SLC22A15: variants seen among roughly 807,000 people sequenced by gnomAD.
SLC22A15 encodes flipt 1.
Under a neutral mutation model 62.7 loss-of-function variants are expected in SLC22A15, and 45 were observed. The ratio of observed to expected loss-of-function variants is 0.72; its 90% confidence interval spans 0.56 to 0.92. The LOEUF (loss-of-function observed/expected upper bound fraction) is 0.92, where lower values mean the gene tolerates loss of function less well. Ranked by LOEUF, SLC22A15 falls within the 40% of genes least tolerant of loss-of-function variation. The pLI, the probability that SLC22A15 is intolerant of heterozygous loss-of-function variation, is 0.00. For missense variants in SLC22A15, 622 were observed against 665.6 expected, an observed-to-expected ratio of 0.93 and a Z score of 0.72; for synonymous variants, 264 against 267.0, an observed-to-expected ratio of 0.99 and a Z score of 0.11.
At chr1:116,011,053 G>A (rs1448862865) in intron 2 of SLC22A15, among the ~76,000 whole-genome samples, 2 of 152,170 alleles carry the variant, frequency 1.3e-5, no homozygotes, top group African/African-American at 4.8e-5. Context: ...TCCTTTCAGA[G>A]AAGGCTGTGT....
At position 115,992,029 on chromosome 1, in the gene SLC22A15, A is replaced by G; in HGVS notation, c.88-2A>G. 7 of 1,612,912 alleles carry G rather than the reference A, an allele frequency of 4.3e-6. No individual in the cohort carries two copies. The highest frequency in any genetic ancestry group is 5.9e-6 in the Non-Finnish European group (7 of 1,179,714). On this transcript the variant is annotated splice_acceptor_variant, in intron 1 of 11. Transcript: ENST00000369503. LOFTEE classifies it high-confidence loss of function. ...TTTGGTTCTGTGTGTTTGCTCTTTC[A>G]GCTCTACGTGGCCACGGAGGCCATC...
chr1:116,032,625 C>T, intron 6 of SLC22A15: 1 of 985,358 alleles, frequency 1.0e-6, no homozygotes, highest in Non-Finnish European at 1.2e-6. Flanking sequence ...CCATGTTAAC[C>T]AACTGCTGCT....
At chr1:116,041,602 G>A (rs1657786292) in intron 8 of SLC22A15, among the ~76,000 whole-genome samples, 1 of 152,228 alleles carries the variant, frequency 6.6e-6, no homozygotes, top group South Asian at 2.1e-4. Context: ...CACAGTGCAG[G>A]GAAGGGAAGC....
In SLC22A15 at chr1:116,035,218, ACT is replaced by A; in HGVS notation, c.979_980del (p.Leu327GlufsTer4). 1 of 1,612,820 alleles carries A rather than the reference ACT, an allele frequency of 6.2e-7. No homozygotes were observed. The highest frequency in any genetic ancestry group is 8.5e-7 in the Non-Finnish European group (1 of 1,179,350). On this transcript the variant is annotated frameshift_variant, in exon 7 of 12. Coordinates refer to ENST00000369503, the MANE Select transcript of SLC22A15 (RefSeq NM_018420.3). LOFTEE classifies it high-confidence loss of function. Reference protein sequence around the residue: ...FVCSLVYYGLTLSAGDLGGSI... With the variant: ...FVCSLVYYGLXLSAGDLGGSI... ...GTGCAGCTTGGTGTATTATGGCCTA[ACT>A]CTGAGTGCGGGTGATCTAGGTGGAA...
intron 4 of SLC22A15, 125 bp from the exon 5 acceptor site, chr1:116,026,768 C>T (rs1216185773): frequency 1.9e-6 from 2 of 1,033,910 alleles, no homozygotes; most frequent in East Asian, 2.7e-5. Context: ...TTCTGGTGTG[C>T]CTCTTATAGT....
At chr1:115,985,680 G>A (rs985995723) in intron 1 of SLC22A15, among the ~76,000 whole-genome samples, 5 of 151,922 alleles carry the variant, frequency 3.3e-5, no homozygotes, top group African/African-American at 1.2e-4. Context: ...CGGGCGCGGT[G>A]GCTCATGCCT....
In SLC22A15 at chr1:115,982,217, A is replaced by T. The variant is rs145956988; in HGVS notation, c.87+5503A>T. 3.3e-5 allele frequency among the ~76,000 whole-genome samples: 5 copies of T among 152,212 alleles called. No homozygotes were observed. In the East Asian group the frequency reaches 9.7e-4, roughly 29 times the overall value. ...TCCTCTCTGACTTCTTTGACCAAACACTCATGCAAATTGATATCTGCCTTC... is the reference window on the plus strand; with the variant it reads ...TCCTCTCTGACTTCTTTGACCAAACTCTCATGCAAATTGATATCTGCCTTC... On this transcript the variant is annotated intron_variant, in intron 1 of 11. Transcript: ENST00000369503.
At chr1:116,011,915 C>G (rs1656280929) in intron 2 of SLC22A15, among the ~76,000 whole-genome samples, 1 of 152,082 alleles carries the variant, frequency 6.6e-6, no homozygotes, top group African/African-American at 2.4e-5. Flanking sequence ...CATACCCTTA[C>G]CTAGACTTCT....
At chr1:116,034,160 A>G (rs542981575) in intron 6 of SLC22A15, among the ~76,000 whole-genome samples, 1 of 152,346 alleles carries the variant, frequency 6.6e-6, no homozygotes, top group Non-Finnish European at 1.5e-5. Flanking sequence ...GCAAAAGCAT[A>G]AAACCTGATG....
At chr1:115,992,556 A>G (rs1298667574) in intron 2 of SLC22A15, among the ~76,000 whole-genome samples, 1 of 152,144 alleles carries the variant, frequency 6.6e-6, no homozygotes, top group African/African-American at 2.4e-5. Flanking sequence ...TCTTTATTAA[A>G]TATGCAAAAA....
At chr1:115,976,803 G>GGGCCGA (rs915801121) in intron 1 of SLC22A15, 89 bp downstream of exon 1, 198 of 1,054,294 alleles carry the variant, frequency 1.9e-4, no homozygotes, top group East Asian at 2.4e-4. Flanking sequence ...GCCGGGGCCG[G>GGGCCGA]GGCCGAGGCC....
chr1:116,027,102 T>G, intron 5 of SLC22A15, 80 bp downstream of exon 5: 1 of 1,389,484 alleles, frequency 7.2e-7, no homozygotes, highest in South Asian at 1.2e-5. Flanking sequence ...ATGAGCAGCA[T>G]TATTCCCTTT....
intron 1 of SLC22A15, 69 bp downstream of exon 1, chr1:115,976,783 C>G (rs1176944381): frequency 1.4e-5 from 18 of 1,244,374 alleles, no homozygotes; most frequent in Non-Finnish European, 2.0e-5. Context: ...TAGGCGTCCG[C>G]TCCCAGACCG....
At chr1:116,058,487 G>A (rs1044350088) in intron 8 of SLC22A15, among the ~76,000 whole-genome samples, 16 of 152,148 alleles carry the variant, frequency 1.1e-4, no homozygotes, top group East Asian at 9.6e-4. Flanking sequence ...ATGGATGCGG[G>A]TGATCAGGGA....
At chr1:116,025,847 A>G (rs1396280893) in intron 4 of SLC22A15, among the ~76,000 whole-genome samples, 1 of 152,228 alleles carries the variant, frequency 6.6e-6, no homozygotes, top group Non-Finnish European at 1.5e-5. Context: ...TGGCACTTAT[A>G]GAAAGTGTGT....
chr1:116,060,597 T>C (rs528065756), intron 8 of SLC22A15, among the ~76,000 whole-genome samples: 33 of 152,312 alleles, frequency 2.2e-4, no homozygotes, highest in African/African-American at 7.9e-4. Flanking sequence ...GTCCCAGAGA[T>C]CATTTGCAAT....
Position 116,058,969 on chromosome 1 carries a change from G to A in SLC22A15, c.1172-3793G>A, listed in dbSNP as rs138648885. 1.8e-4 allele frequency among the ~76,000 whole-genome samples: 28 copies of A among 152,192 alleles called. No homozygotes were observed. In the East Asian group the frequency reaches 4.4e-3, roughly 24 times the overall value. On this transcript the variant is annotated intron_variant, in intron 8 of 11. Coordinates refer to ENST00000369503, the MANE Select transcript of SLC22A15 (RefSeq NM_018420.3). ...GGACTTTGGGGACTTGGAGGGAAGC[G>A]GGGCAAGGAATAAAAGACTACAAAT... is the stretch of plus-strand genomic sequence containing the variant.
chr1:116,022,006 A>G (rs953602510), intron 4 of SLC22A15, among the ~76,000 whole-genome samples: 8 of 152,322 alleles, frequency 5.3e-5, no homozygotes, highest in Middle Eastern at 3.4e-3. Context: ...GGGCTATTGT[A>G]TCGAGCTGGA....
In SLC22A15 at chr1:116,023,968, T is replaced by A. The variant is rs117169228; in HGVS notation, c.599-2925T>A. Among the ~76,000 whole-genome samples the A allele has an allele frequency of 2.6e-4, 40 of 152,184 alleles. No individual in the cohort carries two copies. The East Asian group carries it at 7.5e-3, about 29-fold the overall frequency. ...GTAGAGAGTTAAGGAAAGAGTGAAG[T>A]AACTGAGAGGGACCAGATGATACAG... On this transcript the variant is annotated intron_variant, in intron 4 of 11. Coordinates refer to ENST00000369503, the MANE Select transcript of SLC22A15 (RefSeq NM_018420.3).
Sources: allele counts gnomAD v4.1 joint callset (sites outside exome capture counted in the v4.1 genomes callset), GRCh38; gene constraint gnomAD v4.1.1; transcripts MANE v1.5; gene names NCBI Gene and HGNC (gene_info 2026-07-23, HGNC 2026-07-21).